The following ZNF804B variants were observed in gnomAD, a reference collection of about 807,000 sequenced individuals.
ZNF804B encodes zinc finger protein 804B.
ZNF804B carries 80 observed loss-of-function variants against 101.4 expected under a neutral mutation model. The ratio of observed to expected loss-of-function variants is 0.79; its 90% CI spans 0.66 to 0.95. The LOEUF (loss-of-function observed/expected upper bound fraction) is 0.95. Ranked by LOEUF, ZNF804B falls within the 40% of genes least tolerant of loss-of-function variation. The pLI is 0.00. For synonymous variants in ZNF804B, 622 were observed against 558.8 expected, an observed-to-expected ratio of 1.11 and a Z score of -1.59; for missense variants, 1,673 against 1,561.9, an observed-to-expected ratio of 1.07 and a Z score of -1.20.
chr7:88,930,630 A>G (rs1057130404), intron 1 of ZNF804B, among the ~76,000 whole-genome samples: 1 of 151,872 alleles, frequency 6.6e-6, no homozygotes, highest in Admixed American at 6.6e-5. Flanking sequence ...TGCATGAGTG[A>G]ATTAAGACAT....
chr7:89,176,001 G>A (rs1232849002), intron 1 of ZNF804B, among the ~76,000 whole-genome samples: 1 of 151,900 alleles, frequency 6.6e-6, no homozygotes, highest in African/African-American at 2.4e-5. Flanking sequence ...CATATCATCT[G>A]AAAACAAGGA....
At chr7:89,262,891 A>G (rs1789730974) in intron 2 of ZNF804B, among the ~76,000 whole-genome samples, 1 of 152,142 alleles carries the variant, frequency 6.6e-6, no homozygotes, top group South Asian at 2.1e-4. Flanking sequence ...ATTTTACGAA[A>G]CACACTTTTT....
intron 1 of ZNF804B, among the ~76,000 whole-genome samples, chr7:88,773,641 T>G (rs1790101198): frequency 6.6e-6 from 1 of 152,100 alleles, no homozygotes. Flanking sequence ...CTGGGTTATG[T>G]ATAAAGAAAA....
intron 1 of ZNF804B, among the ~76,000 whole-genome samples, chr7:89,128,130 TTGAA>T (rs1200883039): frequency 2.0e-5 from 3 of 151,780 alleles, no homozygotes; most frequent in Non-Finnish European, 4.4e-5. Flanking sequence ...TTTTGGGCGT[TTGAA>T]TGTTTTGATT....
chr7:88,950,129 A>T (rs1217607154), intron 1 of ZNF804B, among the ~76,000 whole-genome samples: 3 of 151,960 alleles, frequency 2.0e-5, no homozygotes, highest in Non-Finnish European at 4.4e-5. Context: ...TTCTACTTGG[A>T]CAATCATGTC....
chr7:88,984,416 G>A (rs554549243), intron 1 of ZNF804B, among the ~76,000 whole-genome samples: 1 of 152,000 alleles, frequency 6.6e-6, no homozygotes, highest in Non-Finnish European at 1.5e-5. Flanking sequence ...TTAGACTCTT[G>A]CCAACTCAGA....
chr7:89,276,134 C>G (rs527595554), intron 2 of ZNF804B, among the ~76,000 whole-genome samples: 22 of 151,848 alleles, frequency 1.4e-4, no homozygotes, highest in African/African-American at 5.3e-4. Context: ...CACATGGACA[C>G]AGGGAGAGAA....
chr7:88,905,911 T>TG (rs1487285053), intron 1 of ZNF804B, among the ~76,000 whole-genome samples: 203 of 141,610 alleles, frequency 1.4e-3, no homozygotes, highest in Non-Finnish European at 2.4e-3. Flanking sequence ...TTTTTTTTTT[T>TG]GGGGTTGATA....
At chr7:88,868,696 T>C (rs1377359463) in intron 1 of ZNF804B, among the ~76,000 whole-genome samples, 1 of 152,224 alleles carries the variant, frequency 6.6e-6, no homozygotes, top group African/African-American at 2.4e-5. Context: ...TCTCAGATGC[T>C]TTACAACATT....
chr7:89,076,579 T>C (rs941466117), intron 1 of ZNF804B, among the ~76,000 whole-genome samples: 1 of 152,190 alleles, frequency 6.6e-6, no homozygotes, highest in African/African-American at 2.4e-5. Flanking sequence ...ACCTCTCTTA[T>C]GTACATAAGA....
At chr7:89,205,606 A>C (rs1385915776) in intron 1 of ZNF804B, among the ~76,000 whole-genome samples, 3 of 152,132 alleles carry the variant, frequency 2.0e-5, no homozygotes, top group Admixed American at 1.3e-4. Flanking sequence ...CTTTGACCTC[A>C]TGTCTCACAT....
chr7:89,016,831 G>T lies in ZNF804B; in HGVS notation c.109-201324G>T, dbSNP rs577996892. ...ACTTGGCGATGCGGGCTCCTTTTTG[G>T]TTCCGTATGAACTTTAAAGTAATAT... On this transcript the variant is annotated intron_variant, in intron 1 of 3. Coordinates refer to ENST00000333190, the MANE Select transcript of ZNF804B (RefSeq NM_181646.5). Among the ~76,000 whole-genome samples, 4 of 152,250 alleles carry T rather than the reference G, an allele frequency of 2.6e-5. No individual in the cohort carries two copies. In the East Asian group the frequency reaches 7.7e-4, roughly 29 times the overall value.
intron 2 of ZNF804B, among the ~76,000 whole-genome samples, chr7:89,317,064 AC>A (rs1790744161): frequency 1.3e-5 from 2 of 152,148 alleles, no homozygotes. Context: ...AGAAAGCCCA[AC>A]CCCAGGGCAT....
chr7:89,147,473 T>C (rs1289673668), intron 1 of ZNF804B, among the ~76,000 whole-genome samples: 1 of 152,122 alleles, frequency 6.6e-6, no homozygotes, highest in East Asian at 1.9e-4. Flanking sequence ...TTGAATTAAA[T>C]CATTGTTTTA....
At chr7:88,990,556 C>A (rs1232000723) in intron 1 of ZNF804B, among the ~76,000 whole-genome samples, 3 of 151,990 alleles carry the variant, frequency 2.0e-5, no homozygotes, top group Non-Finnish European at 4.4e-5. Context: ...AGATCAGGTT[C>A]CTCTGACGTT....
At chr7:89,267,955 C>G (rs970854850) in intron 2 of ZNF804B, among the ~76,000 whole-genome samples, 7 of 151,920 alleles carry the variant, frequency 4.6e-5, no homozygotes, top group African/African-American at 1.7e-4. Flanking sequence ...AATTCACTGT[C>G]TTCAATATAT....
chr7:88,939,900 G>A (rs1279410312), intron 1 of ZNF804B, among the ~76,000 whole-genome samples: 2 of 151,828 alleles, frequency 1.3e-5, no homozygotes, highest in Admixed American at 6.6e-5. Flanking sequence ...ACATGATAAA[G>A]ATGTACAAGA....
chr7:89,105,969 T>C (rs987630477), intron 1 of ZNF804B, among the ~76,000 whole-genome samples: 2 of 152,126 alleles, frequency 1.3e-5, no homozygotes, highest in African/African-American at 4.8e-5. Flanking sequence ...AAGAGATGCA[T>C]AGGGTGTGGT....
At chr7:88,881,110 G>C (rs1242846008) in intron 1 of ZNF804B, among the ~76,000 whole-genome samples, 2 of 151,936 alleles carry the variant, frequency 1.3e-5, no homozygotes, top group Non-Finnish European at 2.9e-5. Flanking sequence ...TTAAATTATT[G>C]TGGAGATATT....
Sources: gnomAD v4.1 joint callset for allele counts (sites outside exome capture counted in the v4.1 genomes callset) on GRCh38, gnomAD v4.1.1 for gene constraint, MANE v1.5 for transcripts, NCBI Gene and HGNC (gene_info 2026-07-23, HGNC 2026-07-21) for gene names.